GPRC5B: variants seen among roughly 807,000 people sequenced by gnomAD.
GPRC5B encodes the protein G protein-coupled receptor class C group 5 member B, also known as G protein-coupled receptor family C group 5 member B.
Under a neutral mutation model 30.1 loss-of-function variants are expected in GPRC5B, and 16 were observed. The ratio of observed to expected loss-of-function variants is 0.53; its 90% CI spans 0.36 to 0.81. The LOEUF (loss-of-function observed/expected upper bound fraction) is 0.81, where lower values mean the gene tolerates loss of function less well. Among genes scored for constraint, GPRC5B ranks in the 30% least tolerant of loss-of-function variants. GPRC5B has a pLI of 0.01. For missense variants in GPRC5B, 428 were observed against 544.7 expected (o/e 0.79, Z 2.13); for synonymous variants, 241 against 239.5 (o/e 1.01, Z -0.06).
chr16:19,869,302 C>T (rs774214504), intron 2 of GPRC5B, among the ~76,000 whole-genome samples: 80 of 146,908 alleles, frequency 5.4e-4, no homozygotes, highest in Non-Finnish European at 9.0e-4. Context: ...GCACTCCAGT[C>T]CAGCCTGGGT....
At chr16:19,885,034 G>A, upstream of GPRC5B, 1 of 620,218 alleles carries the variant, frequency 1.6e-6, no homozygotes, top group Admixed American at 3.3e-5. This position sits in a 1 kb window ranked among gnomAD's most constrained non-coding sequence, Gnocchi z 5.3. Flanking sequence ...CGGAGCCCAA[G>A]CTCGTAGCTT....
chr16:19,879,456 C>T (rs933709675), intron 1 of GPRC5B, among the ~76,000 whole-genome samples: 5 of 152,046 alleles, frequency 3.3e-5, no homozygotes, highest in Admixed American at 6.6e-5. Flanking sequence ...CACACACACG[C>T]GCATGCACGC....
chr16:19,872,084 G>A lies in GPRC5B; in HGVS notation c.762C>T (p.Tyr254=). 2.5e-6 allele frequency: 4 copies of A among 1,614,106 alleles called. No individual in the cohort carries two copies. Among genetic ancestry groups the A allele is most frequent in the Non-Finnish European group, 3.4e-6 (4 of 1,180,008 alleles). ...VLIWVAWMTM[Y]LFGNVKLQQG... is the part of the protein sequence containing the mutation. ...GCTGCAGCTTGACATTGCCGAAGAGGTACATGGTCATCCAGGCCACCCAGA... is the reference window on the plus strand; with the variant it reads ...GCTGCAGCTTGACATTGCCGAAGAGATACATGGTCATCCAGGCCACCCAGA... Residue 254 remains tyrosine (Y), a synonymous_variant, in exon 2 of 4, where the codon TAC becomes TAT. Transcript: ENST00000300571. The surrounding 1 kb of genome is among the most constrained non-coding windows in gnomAD (Gnocchi z 5.0).
At chr16:19,885,005 C>T, upstream of GPRC5B, 1 of 591,148 alleles carries the variant, frequency 1.7e-6, no homozygotes, top group Non-Finnish European at 2.2e-6. The surrounding 1 kb of genome is among the most constrained non-coding windows in gnomAD (Gnocchi z 5.3). Flanking sequence ...CGGGGCTAGG[C>T]GCCGTCTGCA....
intron 2 of GPRC5B, among the ~76,000 whole-genome samples, chr16:19,864,491 G>T (rs1439776026): frequency 6.6e-6 from 1 of 152,238 alleles, no homozygotes; most frequent in Non-Finnish European, 1.5e-5. Flanking sequence ...GGGTGAAGTT[G>T]TATCTATCTG....
intron 2 of GPRC5B, among the ~76,000 whole-genome samples, chr16:19,865,945 T>A (rs189663404): frequency 6.6e-6 from 1 of 152,194 alleles, no homozygotes. Context: ...GTTGTTTTTT[T>A]TTGAGACGGA....
chr16:19,866,518 G>A (rs1207159864), intron 2 of GPRC5B, among the ~76,000 whole-genome samples: 1 of 151,920 alleles, frequency 6.6e-6, no homozygotes, highest in Admixed American at 6.6e-5. Flanking sequence ...GCACCACCAT[G>A]CCCAGCTATT....
rs533784987 is a variant in GPRC5B at position 19,861,821 on chromosome 16, A to G, written c.1167+16T>C. The G allele has an allele frequency of 1.2e-6, 2 of 1,610,130 alleles. No individual in the cohort carries two copies. Among genetic ancestry groups the G allele is most frequent in the African/African-American group, 1.3e-5 (1 of 74,774 alleles). On this transcript the variant is annotated intron_variant, in intron 3 of 3. Coordinates refer to ENST00000300571, the MANE Select transcript of GPRC5B (RefSeq NM_016235.3). ...CTCCTAGGCTTCCTACCCCCACATC[A>G]CATCTTGATACTTACGGTCCCACCG... is the stretch of plus-strand genomic sequence containing the variant.
In GPRC5B at chr16:19,859,187, ACT is replaced by A. The variant is rs1319279594; in HGVS notation, c.*1311_*1312del. On this transcript the variant is annotated 3_prime_UTR_variant, in exon 4 of 4. Coordinates refer to ENST00000300571, the MANE Select transcript of GPRC5B (RefSeq NM_016235.3). ...ATACATTCCATGCCGTCAGGTTAAA[ACT>A]CTGCTTTGAATCGATGCTAGAGGTT... The A allele has an allele frequency of 3.3e-5, 5 of 152,350 alleles. No individual in the cohort carries two copies. The highest frequency in any genetic ancestry group is 1.2e-4 in the African/African-American group (5 of 41,332). The allele number at this position is 152,350 out of a possible 1,614,324, so 9.4% of individuals were successfully genotyped here.
Position 19,857,692 on chromosome 16 carries a change from G to A in GPRC5B, c.*2808C>T, listed in dbSNP as rs557951061. The stretch of plus-strand genomic sequence containing the variant: ...GCGTTCAACTCAGCCTTGGCCAACC[G>A]AGACCACCACCCGAGTTCACCCTTG... On this transcript the variant is annotated 3_prime_UTR_variant, in exon 4 of 4. Transcript: ENST00000300571. 12 of 195,424 alleles carry A rather than the reference G, an allele frequency of 6.1e-5. No homozygotes were observed. In the South Asian group the frequency reaches 8.4e-4, roughly 14 times the overall value. 12.1% of individuals were successfully genotyped at this position (195,424 alleles called of 1,614,324 possible). A position where few individuals can be genotyped will look rare whatever the true frequency, so the allele number is the denominator to read the frequency against.
rs1184659226 is a variant in GPRC5B at position 19,884,715 on chromosome 16, G to T, written c.-2+12C>A. 3.0e-6 allele frequency: 3 copies of T among 985,200 alleles called. No individual in the cohort carries two copies. In the East Asian group the frequency reaches 3.4e-4, roughly 112 times the overall value. The allele number at this position is 985,200 out of a possible 1,614,324, so 61.0% of individuals were successfully genotyped here. On this transcript the variant is annotated intron_variant, in intron 1 of 3. Coordinates refer to ENST00000300571, the MANE Select transcript of GPRC5B (RefSeq NM_016235.3). ...CAGCGTCCTCCACTGCATCGGCGCAGCTCGCACTTACCGACCCCCGCGGCC... is the reference window on the plus strand; with the variant it reads ...CAGCGTCCTCCACTGCATCGGCGCATCTCGCACTTACCGACCCCCGCGGCC...
At chr16:19,870,973 A>G (rs2056712482) in intron 2 of GPRC5B, among the ~76,000 whole-genome samples, 1 of 126,282 alleles carries the variant, frequency 7.9e-6, no homozygotes, top group African/African-American at 3.3e-5. Flanking sequence ...GGCAATTGGT[A>G]GGGAAAAAAA....
intron 2 of GPRC5B, among the ~76,000 whole-genome samples, chr16:19,864,915 T>A (rs2056654701): frequency 6.7e-6 from 1 of 149,254 alleles, no homozygotes; most frequent in Admixed American, 6.6e-5. Context: ...GGTCTCATTT[T>A]TTTTTTTTTT....
In GPRC5B at chr16:19,872,576, C is replaced by G. The variant is rs371896267; in HGVS notation, c.270G>C (p.Lys90Asn). Residue 90 changes from lysine (K) to asparagine (N), a missense_variant, in exon 2 of 4, where the codon AAG (lysine) becomes AAC (asparagine). By Grantham distance (94) the Lys-to-Asn change is moderately conservative. Coordinates refer to ENST00000300571, the MANE Select transcript of GPRC5B (RefSeq NM_016235.3). The surrounding 1 kb of genome is among the most constrained non-coding windows in gnomAD (Gnocchi z 5.0). ...RLPFIKEKEK[K>N]SPVGLHFLFL... ...ACAGAAAGTGGAGGCCCACAGGGCT[C>G]TTCTTCTCCTTCTCCTTGATGAAGG... 52 of 1,613,886 alleles carry G rather than the reference C, an allele frequency of 3.2e-5. No homozygotes were observed. Among genetic ancestry groups the G allele is most frequent in the Non-Finnish European group, 4.4e-5 (52 of 1,179,916 alleles).
intron 2 of GPRC5B, among the ~76,000 whole-genome samples, chr16:19,871,333 C>T (rs931446848): frequency 4.1e-5 from 6 of 146,412 alleles, no homozygotes; most frequent in Admixed American, 4.1e-4. Flanking sequence ...ACAAAAAACC[C>T]AAACCCTGCT....
chr16:19,875,270 C>G (rs1414679940), intron 1 of GPRC5B, among the ~76,000 whole-genome samples: 2 of 152,222 alleles, frequency 1.3e-5, no homozygotes, highest in Non-Finnish European at 2.9e-5. Flanking sequence ...GCATCCTGCT[C>G]AGGTACCTTC....
At chr16:19,885,181 C>T, upstream of GPRC5B, 4 of 1,284,216 alleles carry the variant, frequency 3.1e-6, no homozygotes, top group South Asian at 2.5e-5. This position sits in a 1 kb window ranked among gnomAD's most constrained non-coding sequence, Gnocchi z 5.3. Context: ...TGCGGGAACA[C>T]TCCCCTAGCC....
rs1457629752 is a variant in GPRC5B, at chr16:19,857,628, A to G, written c.*2872T>C. Reference sequence around the variant, plus strand: ...CATCATTGCATCATTGGATTATAAAAGCCACAATGCTCCCTTTCAACTTGG... The same window carrying G: ...CATCATTGCATCATTGGATTATAAAGGCCACAATGCTCCCTTTCAACTTGG... On this transcript the variant is annotated 3_prime_UTR_variant, in exon 4 of 4. Transcript: ENST00000300571. The G allele has an allele frequency of 3.4e-6, 1 of 294,552 alleles. No individual in the cohort carries two copies. The highest frequency in any genetic ancestry group is 6.4e-6 in the Non-Finnish European group (1 of 155,904). The allele number at this position is 294,552 out of a possible 1,614,324, so 18.2% of individuals were successfully genotyped here.
chr16:19,871,766 T>C, intron 2 of GPRC5B, 50 bp downstream of exon 2: 1 of 1,518,830 alleles, frequency 6.6e-7, no homozygotes, highest in Non-Finnish European at 9.1e-7. Context: ...GAGTATCTTT[T>C]GAGATGAATG....
Sources: gnomAD v4.1 joint callset for allele counts (sites outside exome capture counted in the v4.1 genomes callset) on GRCh38, gnomAD v4.1.1 for gene constraint, Gnocchi (gnomAD v3.1) non-coding constraint, MANE v1.5 for transcripts, NCBI Gene and HGNC (gene_info 2026-07-23, HGNC 2026-07-21) for gene names.